Variants in SPSB4 observed in about 807,000 individuals in gnomAD.
SPSB4 encodes splA/ryanodine receptor domain and SOCS box containing 4.
Under a neutral mutation model 20.9 loss-of-function variants are expected in SPSB4, and 21 were observed. The ratio of observed to expected loss-of-function variants is 1.01; its 90% CI spans 0.71 to 1.45. The LOEUF (loss-of-function observed/expected upper bound fraction) is 1.45. Among genes scored for constraint, SPSB4 ranks in the 40% most tolerant of loss-of-function variants. The pLI is 0.00. For synonymous variants in SPSB4, 207 were observed against 183.8 expected, an observed-to-expected ratio of 1.13 and a Z score of -1.02; for missense variants, 399 against 399.2, an observed-to-expected ratio of 1.00 and a Z score of 0.00.
intron 2 of SPSB4, among the ~76,000 whole-genome samples, chr3:141,081,363 G>T (rs1411435109): frequency 6.6e-6 from 1 of 152,190 alleles, no homozygotes; most frequent in African/African-American, 2.4e-5. Flanking sequence ...ACTGGAGAGG[G>T]CTGAGGAGCC....
rs118009269 is a variant in SPSB4, at chr3:141,055,912, G to A, written c.-154+3920G>A. Among the ~76,000 whole-genome samples the A allele has an allele frequency of 2.9e-3, 442 of 152,336 alleles. 3 individuals are homozygous for A. The highest frequency in any genetic ancestry group is 0.02 in the East Asian group (105 of 5,184). On this transcript the variant is annotated intron_variant, in intron 1 of 2. Transcript: ENST00000310546. The stretch of plus-strand genomic sequence containing the variant: ...AGGGCTGACCAGGGGCTTCTAGTAG[G>A]TAGGTCTTGTGCTGAGGAGAGAAGG...
rs993323319 is a variant in SPSB4, at chr3:141,147,511, A to T, written c.*242A>T. The T allele has an allele frequency of 1.9e-6, 1 of 539,618 alleles. No individual in the cohort carries two copies. Among genetic ancestry groups the T allele is most frequent in the African/African-American group, 1.9e-5 (1 of 53,074 alleles). The allele number at this position is 539,618 out of a possible 1,614,324, so 33.4% of individuals were successfully genotyped here. On this transcript the variant is annotated 3_prime_UTR_variant, in exon 3 of 3. Transcript: ENST00000310546. The stretch of plus-strand genomic sequence containing the variant: ...AGACACCTCCTTCGGAGCCACAGAG[A>T]GCCTGGAGTCTGCACCTCCTGGAAA...
At chr3:141,054,276 A>T (rs1470472271) in intron 1 of SPSB4, among the ~76,000 whole-genome samples, 1 of 152,130 alleles carries the variant, frequency 6.6e-6, no homozygotes, top group African/African-American at 2.4e-5. Flanking sequence ...TGGGCATGAA[A>T]ATCAGGGGAG....
chr3:141,128,188 T>C (rs1371176637), intron 2 of SPSB4, among the ~76,000 whole-genome samples: 1 of 151,392 alleles, frequency 6.6e-6, no homozygotes, highest in Non-Finnish European at 1.5e-5. Flanking sequence ...CAGAAATGGG[T>C]TTAGGAGTAA....
At chr3:141,097,113 G>A (rs1356458287) in intron 2 of SPSB4, among the ~76,000 whole-genome samples, 1 of 152,200 alleles carries the variant, frequency 6.6e-6, no homozygotes, top group African/African-American at 2.4e-5. Flanking sequence ...ATCAGGCCAT[G>A]CCACTCAGCC....
Position 141,091,444 on chromosome 3 carries a change from A to G in SPSB4, c.694+24646A>G, listed in dbSNP as rs576566872. On this transcript the variant is annotated intron_variant, in intron 2 of 2. Coordinates refer to ENST00000310546, the MANE Select transcript of SPSB4 (RefSeq NM_080862.3). The stretch of plus-strand genomic sequence containing the variant: ...AGAAATTATTGTTTCAACAAGCATG[A>G]TGCTGTCTACTTATAAGTGCTTTTC... Among the ~76,000 whole-genome samples, 7 of 152,246 alleles carry G rather than the reference A, an allele frequency of 4.6e-5. No individual in the cohort carries two copies. The South Asian group carries it at 1.0e-3, about 23-fold the overall frequency.
chr3:141,055,722 G>A (rs1937623948), intron 1 of SPSB4, among the ~76,000 whole-genome samples: 1 of 152,226 alleles, frequency 6.6e-6, no homozygotes, highest in Admixed American at 6.5e-5. Flanking sequence ...CCTGGCATGT[G>A]AGAGAGGGAA....
chr3:141,104,289 A>T (rs985114533), intron 2 of SPSB4, among the ~76,000 whole-genome samples: 2 of 152,166 alleles, frequency 1.3e-5, no homozygotes, highest in African/African-American at 2.4e-5. Context: ...TGGCAGGAGC[A>T]AAGGCAAGGG....
chr3:141,140,814 A>ATC (rs200698115), intron 2 of SPSB4, among the ~76,000 whole-genome samples: 16,537 of 152,068 alleles, frequency 0.11, 874 homozygotes, highest in Middle Eastern at 0.18. Context: ...CCGTTCTCAG[A>ATC]TCTCAAGCTG....
At chr3:141,134,993 A>G (rs1291677710) in intron 2 of SPSB4, among the ~76,000 whole-genome samples, 6 of 152,082 alleles carry the variant, frequency 3.9e-5, no homozygotes, top group Non-Finnish European at 7.4e-5. Flanking sequence ...GTATATACAC[A>G]TGTAATCACC....
At chr3:141,115,819 C>T (rs1196031197) in intron 2 of SPSB4, among the ~76,000 whole-genome samples, 2 of 152,138 alleles carry the variant, frequency 1.3e-5, no homozygotes, top group African/African-American at 4.8e-5. Flanking sequence ...CTCATAAATA[C>T]TGGGTTCCTC....
chr3:141,131,444 C>T (rs1939128265), intron 2 of SPSB4, among the ~76,000 whole-genome samples: 1 of 152,038 alleles, frequency 6.6e-6, no homozygotes, highest in Non-Finnish European at 1.5e-5. Flanking sequence ...GCTAGTAGAA[C>T]CAGAACTCAA....
chr3:141,095,368 T>A lies in SPSB4; in HGVS notation c.694+28570T>A, dbSNP rs563783534. Among the ~76,000 whole-genome samples, 512 of 152,280 alleles carry A rather than the reference T, an allele frequency of 3.4e-3. 2 individuals are homozygous for A. The highest frequency in any genetic ancestry group is 5.5e-3 in the Non-Finnish European group (372 of 68,020). On this transcript the variant is annotated intron_variant, in intron 2 of 2. Transcript: ENST00000310546. ...GGGTCGCTGCCTGGAGCACCATGGC[T>A]ACGGAATGAATACAAATGCATAATG...
intron 2 of SPSB4, among the ~76,000 whole-genome samples, chr3:141,134,099 G>C (rs1230676347): frequency 1.3e-5 from 1 of 78,328 alleles, no homozygotes; most frequent in Non-Finnish European, 2.4e-5. Context: ...AAGGGATTGA[G>C]TTCTTGATTT....
At chr3:141,111,353 GCTTTTTTTTTTT>G (rs1938795413) in intron 2 of SPSB4, among the ~76,000 whole-genome samples, 1 of 47,606 alleles carries the variant, frequency 2.1e-5, no homozygotes, top group African/African-American at 9.5e-5. Context: ...CCTGGAACTT[GCTTTTTTTTTTT>G]TTTTTTTTTT....
At chr3:141,112,461 C>T (rs1252426632) in intron 2 of SPSB4, among the ~76,000 whole-genome samples, 13 of 150,896 alleles carry the variant, frequency 8.6e-5, no homozygotes, top group East Asian at 3.9e-4. Context: ...CCGGCTAAAA[C>T]GGTGAAACCC....
At chr3:141,084,481 C>T (rs1938306009) in intron 2 of SPSB4, among the ~76,000 whole-genome samples, 1 of 152,216 alleles carries the variant, frequency 6.6e-6, no homozygotes, top group African/African-American at 2.4e-5. Flanking sequence ...TGCTTGGCCC[C>T]CCTCCCCCTG....
intron 2 of SPSB4, among the ~76,000 whole-genome samples, chr3:141,124,687 G>C (rs1293195571): frequency 6.6e-6 from 1 of 152,192 alleles, no homozygotes; most frequent in Non-Finnish European, 1.5e-5. Context: ...GACATTGTGA[G>C]TGTGTCTGAA....
intron 2 of SPSB4, among the ~76,000 whole-genome samples, chr3:141,135,194 CT>C: frequency 6.6e-6 from 1 of 151,766 alleles, no homozygotes; most frequent in East Asian, 1.9e-4. Flanking sequence ...TTGTATGATT[CT>C]TTTTACTTTA....
Sources: allele counts gnomAD v4.1 joint callset (sites outside exome capture counted in the v4.1 genomes callset), GRCh38; gene constraint gnomAD v4.1.1; transcripts MANE v1.5; gene names NCBI Gene and HGNC (gene_info 2026-07-23, HGNC 2026-07-21).